The following COL22A1 variants were observed in gnomAD, a reference collection of about 807,000 sequenced individuals.
The protein encoded by COL22A1 is collagen type XXII alpha 1 chain.
Under a neutral mutation model 248.9 loss-of-function variants are expected in COL22A1, and 221 were observed. The ratio of observed to expected loss-of-function variants is 0.89; its 90% CI spans 0.80 to 0.99. The LOEUF (loss-of-function observed/expected upper bound fraction) is 0.99. COL22A1 is among the 50% of genes least tolerant of loss of function. The pLI is 0.00. For missense variants in COL22A1, 2,240 were observed against 2,179.0 expected, an observed-to-expected ratio of 1.03 and a Z score of -0.56; for synonymous variants, 891 against 793.4, an observed-to-expected ratio of 1.12 and a Z score of -2.07.
chr8:138,594,326 T>C lies in COL22A1; in HGVS notation c.4433-127A>G. 4 of 774,630 alleles carry C rather than the reference T, an allele frequency of 5.2e-6. No homozygotes were observed. In the South Asian group the frequency reaches 8.1e-5, roughly 16 times the overall value. The allele number at this position is 774,630 out of a possible 1,614,324, so 48.0% of individuals were successfully genotyped here. Reference sequence around the variant, plus strand: ...CTGCAGAAACGGACATAGGACAGGATGGCTACTCACTGACAACTCAGAACC... The same window carrying C: ...CTGCAGAAACGGACATAGGACAGGACGGCTACTCACTGACAACTCAGAACC... On this transcript the variant is annotated intron_variant, in intron 62 of 64. Transcript: ENST00000303045.
At chr8:138,780,122 G>T (rs1814826059) in intron 13 of COL22A1, among the ~76,000 whole-genome samples, 1 of 152,150 alleles carries the variant, frequency 6.6e-6, no homozygotes, top group Non-Finnish European at 1.5e-5. Flanking sequence ...AATTAACTTT[G>T]GAGAGAGCAG....
At chr8:138,725,028 G>T (rs1312198046) in intron 24 of COL22A1, among the ~76,000 whole-genome samples, 3 of 152,204 alleles carry the variant, frequency 2.0e-5, no homozygotes, top group African/African-American at 7.2e-5. Context: ...CCAAAAGATG[G>T]GAGGGGAAAT....
At chr8:138,673,936 TTCTC>T (rs1157053047) in intron 41 of COL22A1, among the ~76,000 whole-genome samples, 1 of 152,128 alleles carries the variant, frequency 6.6e-6, no homozygotes, top group Non-Finnish European at 1.5e-5. Flanking sequence ...CCCCAGCTCT[TTCTC>T]TCCCTTTGCA....
chr8:138,755,919 AG>A, intron 18 of COL22A1, 90 bp from the exon 19 acceptor site: 3 of 1,058,562 alleles, frequency 2.8e-6, no homozygotes, highest in East Asian at 2.4e-5. Flanking sequence ...TTGTGGGCCC[AG>A]GGGACCACAC....
At chr8:138,856,063 G>C (rs965873930) in intron 3 of COL22A1, among the ~76,000 whole-genome samples, 2 of 152,338 alleles carry the variant, frequency 1.3e-5, no homozygotes, top group East Asian at 1.9e-4. Context: ...TGCAGAAAAA[G>C]GGGCCGTGCC....
intron 45 of COL22A1, 146 bp from the exon 46 acceptor site, chr8:138,649,924 A>G: frequency 1.8e-6 from 1 of 565,382 alleles, no homozygotes; most frequent in Non-Finnish European, 3.1e-6. Flanking sequence ...AAACAGGTGG[A>G]CTGAGTCATG....
At chr8:138,899,097 C>T (rs1192914169) in intron 1 of COL22A1, among the ~76,000 whole-genome samples, 1 of 152,158 alleles carries the variant, frequency 6.6e-6, no homozygotes, top group East Asian at 1.9e-4. Flanking sequence ...TATTCTAACA[C>T]CACTCCTGCT....
chr8:138,704,451 A>G (rs958956522), intron 30 of COL22A1, among the ~76,000 whole-genome samples: 2 of 152,308 alleles, frequency 1.3e-5, no homozygotes, highest in Admixed American at 6.5e-5. Flanking sequence ...TCAGGCAGCA[A>G]CATTTGCTGT....
chr8:138,747,830 G>T (rs1379660515), intron 22 of COL22A1, among the ~76,000 whole-genome samples: 1 of 152,102 alleles, frequency 6.6e-6, no homozygotes, highest in Non-Finnish European at 1.5e-5. Flanking sequence ...AGGGGCAGGA[G>T]GGAATAAAAG....
intron 16 of COL22A1, among the ~76,000 whole-genome samples, chr8:138,772,318 A>G (rs1834436592): frequency 6.6e-6 from 1 of 152,114 alleles, no homozygotes; most frequent in South Asian, 2.1e-4. Flanking sequence ...AAAATCCAAG[A>G]GTCTACATAT....
At chr8:138,906,238 C>G (rs1005882054) in intron 1 of COL22A1, among the ~76,000 whole-genome samples, 1 of 152,018 alleles carries the variant, frequency 6.6e-6, no homozygotes, top group African/African-American at 2.4e-5. Context: ...GGCATGGTGG[C>G]GGGCACCTAT....
chr8:138,602,645 G>A (rs1818117399), intron 59 of COL22A1, among the ~76,000 whole-genome samples: 1 of 152,046 alleles, frequency 6.6e-6, no homozygotes, highest in African/African-American at 2.4e-5. Flanking sequence ...TCCTCTTCAG[G>A]AAGCCCCCCG....
chr8:138,710,604 T>TATATATATATAG (rs775486726), intron 30 of COL22A1, among the ~76,000 whole-genome samples: 1 of 60,998 alleles, frequency 1.6e-5, no homozygotes, highest in African/African-American at 4.9e-5. Context: ...TCTATCTATC[T>TATATATATATAG]ATCTATATAT....
chr8:138,683,865 G>A (rs572157268), intron 39 of COL22A1, among the ~76,000 whole-genome samples: 16 of 152,252 alleles, frequency 1.1e-4, no homozygotes, highest in African/African-American at 3.6e-4. Flanking sequence ...TCGCTCTGCC[G>A]ATTGAAAGTC....
chr8:138,811,542 T>A (rs1260026943), intron 9 of COL22A1, among the ~76,000 whole-genome samples: 2 of 152,052 alleles, frequency 1.3e-5, no homozygotes, highest in African/African-American at 4.8e-5. Context: ...TGAGTGGAGA[T>A]CACAAAGGAG....
chr8:138,604,882 A>C, intron 58 of COL22A1, 113 bp from the exon 59 acceptor site: 1 of 962,554 alleles, frequency 1.0e-6, no homozygotes, highest in Non-Finnish European at 1.6e-6. Flanking sequence ...AAAGACAACA[A>C]TCGATGGTCT....
intron 3 of COL22A1, among the ~76,000 whole-genome samples, chr8:138,852,493 A>G (rs945547540): frequency 5.9e-5 from 9 of 152,304 alleles, no homozygotes; most frequent in African/African-American, 9.6e-5. Flanking sequence ...GAGATGTCCT[A>G]TGGGTGCTCA....
At chr8:138,590,399 G>T (rs1449126742) in intron 64 of COL22A1, among the ~76,000 whole-genome samples, 1 of 152,022 alleles carries the variant, frequency 6.6e-6, no homozygotes, top group African/African-American at 2.4e-5. Flanking sequence ...CACTGAAATG[G>T]GATAATTATT....
intron 47 of COL22A1, among the ~76,000 whole-genome samples, chr8:138,642,400 C>T (rs190372629): frequency 8.5e-5 from 13 of 152,308 alleles, no homozygotes; most frequent in Admixed American, 3.9e-4. Flanking sequence ...CTCTGCCCAA[C>T]GCAACTGCCT....
Sources: gnomAD v4.1 joint callset for allele counts (sites outside exome capture counted in the v4.1 genomes callset) on GRCh38, gnomAD v4.1.1 for gene constraint, MANE v1.5 for transcripts, NCBI Gene and HGNC (gene_info 2026-07-23, HGNC 2026-07-21) for gene names.